Variants in ENTREP2 observed in about 807,000 individuals in gnomAD.
ENTREP2 encodes endosomal transmembrane epsin interactor 2, also known as protein ENTREP2.
At chr15:29,588,544 A>AGAG in the ENTREP2 span, among the ~76,000 whole-genome samples, 1 of 19,766 alleles carries the variant, frequency 5.1e-5, no homozygotes, top group Non-Finnish European at 1.5e-4. Context: ...AAGAGAAAGA[A>AGAG]AGAGAGAGAG....
At chr15:29,146,344 CA>C in the ENTREP2 span, among the ~76,000 whole-genome samples, 1 of 152,082 alleles carries the variant, frequency 6.6e-6, no homozygotes, top group African/African-American at 2.4e-5. Flanking sequence ...ACAGAATATC[CA>C]AAACAATGTT....
chr15:29,191,515 C>T, the ENTREP2 span, among the ~76,000 whole-genome samples: 1 of 152,022 alleles, frequency 6.6e-6, no homozygotes, highest in Admixed American at 6.6e-5. Flanking sequence ...AAAAAAAAGA[C>T]AAAGACAGAA....
the ENTREP2 span, among the ~76,000 whole-genome samples, chr15:29,159,693 CTAGA>C: frequency 1.9e-5 from 2 of 108,048 alleles, no homozygotes; most frequent in East Asian, 3.9e-4. Context: ...ACCAGAGTAG[CTAGA>C]TACAGAGTGT....
the ENTREP2 span, among the ~76,000 whole-genome samples, chr15:29,330,921 G>C: frequency 2.6e-5 from 4 of 152,156 alleles, no homozygotes; most frequent in African/African-American, 9.6e-5. Flanking sequence ...CAATCACAAC[G>C]CATAAATATC....
At chr15:29,229,014 C>T in the ENTREP2 span, among the ~76,000 whole-genome samples, 1 of 151,578 alleles carries the variant, frequency 6.6e-6, no homozygotes. Context: ...GTAATACTTC[C>T]GAATAAAGAA....
chr15:29,387,296 T>A, the ENTREP2 span, among the ~76,000 whole-genome samples: 4 of 152,208 alleles, frequency 2.6e-5, no homozygotes, highest in African/African-American at 9.6e-5. Flanking sequence ...TATGCTGGAT[T>A]ACATTTATTG....
chr15:29,635,491 G>A, the ENTREP2 span, among the ~76,000 whole-genome samples: 24 of 152,266 alleles, frequency 1.6e-4, no homozygotes, highest in Admixed American at 4.6e-4. Context: ...TGTGCACCCC[G>A]TGCATGGGAC....
chr15:29,508,649 C>T, the ENTREP2 span, among the ~76,000 whole-genome samples: 1 of 152,094 alleles, frequency 6.6e-6, no homozygotes, highest in African/African-American at 2.4e-5. Context: ...ATGACAAAAA[C>T]GACATGATTA....
the ENTREP2 span, among the ~76,000 whole-genome samples, chr15:29,170,748 C>T: frequency 6.6e-5 from 10 of 152,224 alleles, no homozygotes; most frequent in Non-Finnish European, 1.3e-4. Flanking sequence ...CAGAACTCGA[C>T]CATGCTGGCA....
the ENTREP2 span, among the ~76,000 whole-genome samples, chr15:29,609,183 T>C: frequency 6.7e-6 from 1 of 150,216 alleles, no homozygotes; most frequent in Admixed American, 6.7e-5. Context: ...AGTTTCTGTG[T>C]GTCTGCATGG....
chr15:29,597,460 C>G, the ENTREP2 span, among the ~76,000 whole-genome samples: 1 of 151,516 alleles, frequency 6.6e-6, no homozygotes, highest in African/African-American at 2.4e-5. Context: ...CCCAGCTACT[C>G]AGGAGGCTGA....
chr15:29,269,139 C>T, the ENTREP2 span: 1 of 1,614,142 alleles, frequency 6.2e-7, no homozygotes, highest in Non-Finnish European at 8.5e-7. Context: ...TGGTGTTGCC[C>T]TTCATAAAGA....
At chr15:29,192,245 GCTGA>G in the ENTREP2 span, among the ~76,000 whole-genome samples, 1 of 152,132 alleles carries the variant, frequency 6.6e-6, no homozygotes, top group African/African-American at 2.4e-5. Context: ...AAAGCATTTG[GCTGA>G]CTTTCAGATT....
chr15:29,477,248 TG>T, the ENTREP2 span, among the ~76,000 whole-genome samples: 1 of 152,114 alleles, frequency 6.6e-6, no homozygotes, highest in African/African-American at 2.4e-5. Context: ...GGTTCACCTT[TG>T]GGGGCAGTAA....
the ENTREP2 span, among the ~76,000 whole-genome samples, chr15:29,354,856 A>C: frequency 3.9e-5 from 6 of 152,276 alleles, no homozygotes; most frequent in South Asian, 6.2e-4. Context: ...TTTTCTGTAG[A>C]GCAGTATTTT....
chr15:29,224,889 A>G, the ENTREP2 span, among the ~76,000 whole-genome samples: 53,804 of 152,000 alleles, frequency 0.35, 10,329 homozygotes, highest in East Asian at 0.6. Context: ...AGCCCACGGA[A>G]GTTGGGGAGG....
At chr15:29,368,327 CA>C in the ENTREP2 span, among the ~76,000 whole-genome samples, 638 of 139,094 alleles carry the variant, frequency 4.6e-3, 2 homozygotes, top group East Asian at 0.014. Flanking sequence ...GACTCCATCT[CA>C]AAAAAAAAAA....
chr15:29,389,910 AC>A, the ENTREP2 span, among the ~76,000 whole-genome samples: 1 of 151,272 alleles, frequency 6.6e-6, no homozygotes, highest in Non-Finnish European at 1.5e-5. Context: ...CACTCCCCCC[AC>A]CCCTCCCTGA....
chr15:29,341,016 G>A, the ENTREP2 span, among the ~76,000 whole-genome samples: 1 of 152,170 alleles, frequency 6.6e-6, no homozygotes, highest in African/African-American at 2.4e-5. Flanking sequence ...ACTAACTGGA[G>A]CCAGCACCAT....
Sources: allele counts gnomAD v4.1 joint callset (sites outside exome capture counted in the v4.1 genomes callset), GRCh38; gene constraint gnomAD v4.1.1; transcripts MANE v1.5; gene names NCBI Gene and HGNC (gene_info 2026-07-23, HGNC 2026-07-21).